The following ROBO1 variants were observed in gnomAD, a reference collection of about 807,000 sequenced individuals.
ROBO1 encodes roundabout guidance receptor 1.
In ROBO1, 149 loss-of-function variants were observed where a neutral mutation model predicts 195.9. The observed-to-expected ratio is 0.76, with a 90% CI of 0.67 to 0.87. ROBO1 has a LOEUF of 0.87. Ranked by LOEUF, ROBO1 falls within the 40% of genes least tolerant of loss-of-function variation. ROBO1 has a pLI of 0.00. For synonymous variants in ROBO1, 816 were observed against 733.2 expected, an observed-to-expected ratio of 1.11 and a Z score of -1.82; for missense variants, 1,933 against 2,068.3, an observed-to-expected ratio of 0.93 and a Z score of 1.27.
chr3:79,334,756 A>G (rs1228830362), intron 2 of ROBO1, among the ~76,000 whole-genome samples: 1 of 151,914 alleles, frequency 6.6e-6, no homozygotes, highest in Non-Finnish European at 1.5e-5. Flanking sequence ...TTAAAGGCAA[A>G]CAGTTTTCTT....
intron 3 of ROBO1, among the ~76,000 whole-genome samples, chr3:78,994,092 T>C (rs1021851304): frequency 2.6e-5 from 4 of 152,176 alleles, no homozygotes; most frequent in Admixed American, 6.6e-5. Flanking sequence ...TTGATCTATA[T>C]AGATATCAGA....
At chr3:79,085,108 G>A (rs927709515) in intron 3 of ROBO1, among the ~76,000 whole-genome samples, 2 of 151,988 alleles carry the variant, frequency 1.3e-5, no homozygotes, top group African/African-American at 4.8e-5. Context: ...ATGTACCTTT[G>A]GAGAGTTTTT....
At chr3:79,498,771 T>C (rs1939889789) in intron 2 of ROBO1, among the ~76,000 whole-genome samples, 1 of 151,824 alleles carries the variant, frequency 6.6e-6, no homozygotes, top group African/African-American at 2.4e-5. Context: ...GGAGAATCAC[T>C]TGAACCCGGG....
At chr3:79,554,741 G>C (rs1170318482) in intron 2 of ROBO1, among the ~76,000 whole-genome samples, 2 of 152,098 alleles carry the variant, frequency 1.3e-5, no homozygotes, top group African/African-American at 2.4e-5. Context: ...ACAGTGGAAA[G>C]AGCATTTTAG....
At chr3:79,043,337 C>G (rs1288512506) in intron 3 of ROBO1, among the ~76,000 whole-genome samples, 2 of 152,076 alleles carry the variant, frequency 1.3e-5, no homozygotes, top group African/African-American at 4.8e-5. Context: ...TTGCTCTTCT[C>G]AGGCATAGAA....
intron 5 of ROBO1, among the ~76,000 whole-genome samples, chr3:78,729,277 G>A (rs1024631276): frequency 6.6e-6 from 1 of 151,698 alleles, no homozygotes; most frequent in Non-Finnish European, 1.5e-5. Context: ...GAGCCACCCT[G>A]CAGACAGACA....
intron 4 of ROBO1, among the ~76,000 whole-genome samples, chr3:78,927,153 C>T (rs1209774459): frequency 2.0e-5 from 3 of 152,074 alleles, no homozygotes; most frequent in East Asian, 3.9e-4. Context: ...TGGAAAATGT[C>T]GGTAAAGCTC....
At chr3:79,173,738 A>T (rs1576771490) in intron 2 of ROBO1, among the ~76,000 whole-genome samples, 1 of 152,088 alleles carries the variant, frequency 6.6e-6, no homozygotes, top group African/African-American at 2.4e-5. Flanking sequence ...AGGCAGCTCC[A>T]CCTGTGGCCC....
At chr3:78,618,698 T>G (rs73850729) in intron 26 of ROBO1, among the ~76,000 whole-genome samples, 3,178 of 152,312 alleles carry the variant, frequency 0.021, 108 homozygotes, top group African/African-American at 0.068. Context: ...TTTAACACTA[T>G]TGCATTTATT....
At chr3:79,718,336 AAAT>A (rs1400527198) in intron 1 of ROBO1, among the ~76,000 whole-genome samples, 2 of 152,038 alleles carry the variant, frequency 1.3e-5, no homozygotes, top group Admixed American at 6.6e-5. Context: ...AAGCATTGAG[AAAT>A]AATATTTTCT....
At chr3:79,712,960 G>A (rs1001412924) in intron 1 of ROBO1, among the ~76,000 whole-genome samples, 2 of 151,890 alleles carry the variant, frequency 1.3e-5, no homozygotes, top group South Asian at 4.2e-4. Context: ...CAGTTCTAGG[G>A]TACATGTGCA....
At position 78,746,878 on chromosome 3, in the gene ROBO1, T is replaced by C. The variant is rs1405397357; in HGVS notation, c.522A>G (p.Gln174=). ...CTGCAACCATGACATCCGAAGGGTT[T>C]TGTCTGAAGTCATCCCGAAGTACTG... ...EVAILRDDFR[Q]NPSDVMVAVG... The change falls in exon 5 of 31, where the codon CAA becomes CAG. Residue 174 remains glutamine (Q), a synonymous_variant. Transcript: ENST00000464233. 3 of 1,574,352 alleles carry C rather than the reference T, an allele frequency of 1.9e-6. No individual in the cohort carries two copies. The highest frequency in any genetic ancestry group is 4.5e-5 in the East Asian group (2 of 44,250).
intron 2 of ROBO1, among the ~76,000 whole-genome samples, chr3:79,268,369 TTC>T (rs1173269582): frequency 6.6e-6 from 1 of 151,688 alleles, no homozygotes; most frequent in African/African-American, 2.4e-5. Context: ...CAAACTTTTT[TTC>T]AATTTCAAAA....
chr3:79,477,905 G>A (rs940957763), intron 2 of ROBO1, among the ~76,000 whole-genome samples: 18 of 152,102 alleles, frequency 1.2e-4, no homozygotes, highest in African/African-American at 4.3e-4. Context: ...GCCTATGCAT[G>A]CTTTTAACAT....
At chr3:78,979,451 A>C (rs114304762) in intron 3 of ROBO1, among the ~76,000 whole-genome samples, 1 of 152,210 alleles carries the variant, frequency 6.6e-6, no homozygotes, top group Non-Finnish European at 1.5e-5. Context: ...TGAAATTTAC[A>C]GTCCCTTTAA....
At chr3:79,694,746 C>CG (rs1257149106) in intron 1 of ROBO1, among the ~76,000 whole-genome samples, 1 of 151,614 alleles carries the variant, frequency 6.6e-6, no homozygotes, top group Admixed American at 6.6e-5. Flanking sequence ...TATGTAACAA[C>CG]ATACAATATA....
At chr3:79,370,245 T>A (rs2036142471) in intron 2 of ROBO1, among the ~76,000 whole-genome samples, 2 of 150,484 alleles carry the variant, frequency 1.3e-5, no homozygotes, top group Non-Finnish European at 1.5e-5. Flanking sequence ...GTAGTCCTAG[T>A]GACTAGGGAG....
At chr3:78,671,882 G>T (rs531827116) in intron 10 of ROBO1, among the ~76,000 whole-genome samples, 1 of 152,122 alleles carries the variant, frequency 6.6e-6, no homozygotes, top group African/African-American at 2.4e-5. Context: ...TATCTTTATG[G>T]TTCTTTGATA....
intron 1 of ROBO1, among the ~76,000 whole-genome samples, chr3:79,740,668 C>A (rs376041935): frequency 6.6e-6 from 1 of 152,182 alleles, no homozygotes; most frequent in East Asian, 1.9e-4. Flanking sequence ...AGAAACCGCC[C>A]CCATGATTCA....
Sources: gnomAD v4.1 joint callset for allele counts (sites outside exome capture counted in the v4.1 genomes callset) on GRCh38, gnomAD v4.1.1 for gene constraint, MANE v1.5 for transcripts, NCBI Gene and HGNC (gene_info 2026-07-23, HGNC 2026-07-21) for gene names.